The following AMZ1 variants were observed in gnomAD, a reference collection of about 807,000 sequenced individuals.
AMZ1 encodes the protein archaemetzincin-1.
A neutral mutation model predicts 29.9 loss-of-function variants in AMZ1; 39 were observed. The observed-to-expected ratio is 1.30, with a 90% CI of 1.01 to 1.70. AMZ1 has a LOEUF of 1.70. Among genes scored for constraint, AMZ1 ranks in the 40% most tolerant of loss-of-function variants. The pLI is 0.00. For missense variants in AMZ1, 1,041 were observed against 680.6 expected, an observed-to-expected ratio of 1.53 and a Z score of -5.89; for synonymous variants, 458 against 304.0, an observed-to-expected ratio of 1.51 and a Z score of -5.27.
chr7:2,726,572 C>T (rs1258073492), intron 4 of AMZ1, among the ~76,000 whole-genome samples: 1 of 152,198 alleles, frequency 6.6e-6, no homozygotes, highest in Non-Finnish European at 1.5e-5. Context: ...CAGAGCTCAG[C>T]CTACAGTCGG....
chr7:2,719,072 CCCTTCTGGGTGGGT>C lies in AMZ1; in HGVS notation c.*6195_*6208del, dbSNP rs1789301127. Among the ~76,000 whole-genome samples the C allele has an allele frequency of 6.6e-6, 1 of 151,790 alleles. No homozygotes were observed. Among genetic ancestry groups the C allele is most frequent in the Non-Finnish European group, 1.5e-5 (1 of 67,978 alleles). On this transcript the variant is annotated 3_prime_UTR_variant, in exon 7 of 7. Transcript: ENST00000683327. ...AAACTTCTACCACATTCTACCTGTG[CCCTTCTGGGTGGGT>C]GGTGGCCGTCCTCTTGGGCGCCCCC...
At chr7:2,746,996 A>C (rs1407061767) in intron 4 of AMZ1, among the ~76,000 whole-genome samples, 2 of 152,234 alleles carry the variant, frequency 1.3e-5, no homozygotes, top group African/African-American at 4.8e-5. Flanking sequence ...GAATAGACCA[A>C]TAACAGGCTC....
intron 4 of AMZ1, among the ~76,000 whole-genome samples, chr7:2,746,256 C>A (rs1222388289): frequency 1.3e-5 from 2 of 152,142 alleles, no homozygotes; most frequent in Non-Finnish European, 2.9e-5. Flanking sequence ...CCAAAATTGA[C>A]CACTTGATAG....
chr7:2,728,160 G>A (rs1357056050), intron 4 of AMZ1: 3 of 152,278 alleles, frequency 2.0e-5, no homozygotes, highest in Non-Finnish European at 2.9e-5. Flanking sequence ...CAGAGGCTGA[G>A]GGTGGCCAAA....
rs758185125 is a variant in AMZ1 at position 2,712,426 on chromosome 7, G to A, written c.1045G>A (p.Asp349Asn). 9.9e-6 allele frequency: 16 copies of A among 1,611,740 alleles called. No homozygotes were observed. Among genetic ancestry groups the A allele is most frequent in the South Asian group, 4.4e-5 (4 of 91,008 alleles). The change falls in exon 7 of 7, where the codon GAC becomes AAC. Residue 349 changes from aspartate (D) to asparagine (N), a missense_variant. Asp to Asn is a conservative substitution (Grantham distance 23). Transcript: ENST00000683327. The part of the protein sequence containing the change: ...VWEDTPPASA[D>N]SGMCCESDSE... Reference sequence around the variant, plus strand: ...GGAGGACACCCCGCCTGCCAGCGCCGACTCGGGCATGTGCTGTGAGAGTGA... The same window carrying A: ...GGAGGACACCCCGCCTGCCAGCGCCAACTCGGGCATGTGCTGTGAGAGTGA...
At chr7:2,735,135 C>A (rs543546784) in intron 4 of AMZ1, among the ~76,000 whole-genome samples, 4 of 152,130 alleles carry the variant, frequency 2.6e-5, no homozygotes, top group East Asian at 1.9e-4. Context: ...ACGACAAGTT[C>A]CTTCCTCAGC....
chr7:2,733,531 A>T, intron 4 of AMZ1: 1 of 1,575,244 alleles, frequency 6.3e-7, no homozygotes, highest in Non-Finnish European at 8.7e-7. Context: ...TTCACAGCTC[A>T]GTCTGGACTG....
At chr7:2,736,585 G>A (rs1426518834) in intron 4 of AMZ1, among the ~76,000 whole-genome samples, 1 of 152,192 alleles carries the variant, frequency 6.6e-6, no homozygotes, top group African/African-American at 2.4e-5. Flanking sequence ...CTGTGCACCT[G>A]TATTGGGCAC....
In AMZ1 at chr7:2,731,117, C is replaced by A. The variant is rs573112084; in HGVS notation, n.550+21301C>A. 2 of 1,116,278 alleles carry A rather than the reference C, an allele frequency of 1.8e-6. No homozygotes were observed. The highest frequency in any genetic ancestry group is 3.1e-5 in the African/African-American group (2 of 65,102). The allele number at this position is 1,116,278 out of a possible 1,614,324, so 69.1% of individuals were successfully genotyped here. A position where few individuals can be genotyped will look rare whatever the true frequency, so the allele number is the denominator to read the frequency against. On this transcript the variant is annotated intron_variant and non_coding_transcript_variant, in intron 4 of 4. Coordinates refer to the AMZ1 transcript ENST00000489665. This position sits in a 1 kb window ranked among gnomAD's most constrained non-coding sequence, Gnocchi z 6.0. ...TCAAGGACCACACAGACAACACACA[C>A]CCAAGAGTCTGACCGACAGCCGTGG...
At chr7:2,729,615 TTTGC>T (rs1789785821) in intron 4 of AMZ1, 1 of 152,294 alleles carries the variant, frequency 6.6e-6, no homozygotes, top group Non-Finnish European at 1.5e-5. Context: ...GTTTACCGGG[TTTGC>T]GGAAAACAAG....
intron 4 of AMZ1, among the ~76,000 whole-genome samples, chr7:2,738,839 GT>G (rs954616152): frequency 6.6e-6 from 1 of 152,170 alleles, no homozygotes; most frequent in African/African-American, 2.4e-5. Context: ...TATTTTGTTT[GT>G]TTTTTTGTTT....
At chr7:2,712,175 T>C (rs1370380661) in intron 6 of AMZ1, among the ~76,000 whole-genome samples, 155 bp from the exon 7 acceptor site, 1 of 152,120 alleles carries the variant, frequency 6.6e-6, no homozygotes, top group Non-Finnish European at 1.5e-5. Context: ...CCTCAAAGGG[T>C]GCTGGTCACA....
At chr7:2,733,970 T>C (rs1273294258) in intron 4 of AMZ1, among the ~76,000 whole-genome samples, 1 of 152,252 alleles carries the variant, frequency 6.6e-6, no homozygotes, top group Non-Finnish European at 1.5e-5. Flanking sequence ...AAGGAGCATC[T>C]AGCAAAACAT....
upstream of AMZ1, among the ~76,000 whole-genome samples, chr7:2,760,771 C>G (rs369293505): frequency 6.6e-6 from 1 of 152,244 alleles, no homozygotes; most frequent in South Asian, 2.1e-4. Flanking sequence ...GGGACAGCGT[C>G]GAGCTCCCTA....
intron 1 of AMZ1, among the ~76,000 whole-genome samples, chr7:2,682,950 G>A (rs1004913472): frequency 2.0e-5 from 3 of 152,162 alleles, no homozygotes; most frequent in Admixed American, 1.3e-4. Context: ...CCTCAGAGCC[G>A]TCCTCCTCTG....
chr7:2,743,933 G>A (rs946890991), intron 4 of AMZ1, among the ~76,000 whole-genome samples: 1 of 152,088 alleles, frequency 6.6e-6, no homozygotes, highest in South Asian at 2.1e-4. Context: ...TAGCACAGCA[G>A]TCTGAGATCA....
At position 2,715,859 on chromosome 7, in the gene AMZ1, TTGAACTGAGATTAAATTTAGAGA is replaced by T. The variant is rs1300213385; in HGVS notation, c.*2985_*3007del. ...TTTCTAAACTTAAGTGCTGCAGAAG[TTGAACTGAGATTAAATTTAGAGA>T]TGATGGTTTCCAAGACACACAGGGC... On this transcript the variant is annotated 3_prime_UTR_variant, in exon 7 of 7. Transcript: ENST00000683327. 3 of 152,110 alleles carry T rather than the reference TTGAACTGAGATTAAATTTAGAGA, an allele frequency of 2.0e-5. No individual in the cohort carries two copies. The highest frequency in any genetic ancestry group is 4.4e-5 in the Non-Finnish European group (3 of 68,030). The allele number at this position is 152,110 out of a possible 1,614,324, so 9.4% of individuals were successfully genotyped here.
chr7:2,762,244 A>C (rs1791593463), upstream of AMZ1: 1 of 200,052 alleles, frequency 5.0e-6, no homozygotes, highest in Non-Finnish European at 1.0e-5. Flanking sequence ...CACTGCTAGG[A>C]AACACCACCC....
intron 4 of AMZ1, among the ~76,000 whole-genome samples, chr7:2,741,874 C>T (rs1790524320): frequency 6.7e-6 from 1 of 150,310 alleles, no homozygotes; most frequent in South Asian, 2.1e-4. Flanking sequence ...CTCATAATTA[C>T]CACGTATTAG....
Sources: gnomAD v4.1 joint callset for allele counts (sites outside exome capture counted in the v4.1 genomes callset) on GRCh38, gnomAD v4.1.1 for gene constraint, Gnocchi (gnomAD v3.1) non-coding constraint, MANE v1.5 for transcripts, NCBI Gene and HGNC (gene_info 2026-07-23, HGNC 2026-07-21) for gene names.